The following CHRM4 variants were observed in gnomAD, a reference collection of about 807,000 sequenced individuals.
CHRM4 encodes muscarinic acetylcholine receptor M4.
CHRM4 carries 5 observed loss-of-function variants against 26.3 expected under a neutral mutation model. The ratio of observed to expected loss-of-function variants is 0.19; its 90% CI spans 0.10 to 0.40. CHRM4 has a LOEUF of 0.40. CHRM4 is among the 10% of genes least tolerant of loss of function. The probability of loss-of-function intolerance (pLI) is 1.00; values close to 1 mark genes in which losing one functional copy is unlikely to be tolerated. For missense variants in CHRM4, 402 were observed against 664.5 expected (o/e 0.60, Z 4.34); for synonymous variants, 290 against 285.3 (o/e 1.02, Z -0.16).
chr11:46,384,971 T>C lies in CHRM4; in HGVS notation c.*147A>G. ...CCTGAGCAGAGATCTGGTCTCTGAA[T>C]GCAGCCACAGAGCCTCTTCTGAACT... On this transcript the variant is annotated 3_prime_UTR_variant, in exon 2 of 2. Coordinates refer to ENST00000682254, the MANE Select transcript of CHRM4 (RefSeq NM_000741.5). The C allele has an allele frequency of 1.6e-6, 2 of 1,252,380 alleles. No homozygotes were observed. The highest frequency in any genetic ancestry group is 2.2e-6 in the Non-Finnish European group (2 of 929,096). 77.6% of individuals were successfully genotyped at this position (1,252,380 alleles called of 1,614,324 possible).
chr11:46,389,833 C>A, intron 1 of CHRM4, among the ~76,000 whole-genome samples: 1 of 152,288 alleles, frequency 6.6e-6, no homozygotes, highest in East Asian at 1.9e-4. Context: ...GGCGGGAGCG[C>A]GAGTGCGAGT....
Position 46,384,962 on chromosome 11 carries a change from G to GTCTC in CHRM4, c.*152_*155dup, listed in dbSNP as rs1945318960. The stretch of plus-strand genomic sequence containing the variant: ...CCTCCTCAGCCTGAGCAGAGATCTG[G>GTCTC]TCTCTGAATGCAGCCACAGAGCCTC... On this transcript the variant is annotated 3_prime_UTR_variant, in exon 2 of 2. Coordinates refer to ENST00000682254, the MANE Select transcript of CHRM4 (RefSeq NM_000741.5). 1 of 1,185,592 alleles carries GTCTC rather than the reference G, an allele frequency of 8.4e-7. No homozygotes were observed. Among genetic ancestry groups the GTCTC allele is most frequent in the Non-Finnish European group, 1.2e-6 (1 of 869,164 alleles). The allele number at this position is 1,185,592 out of a possible 1,614,324, so 73.4% of individuals were successfully genotyped here. A position where few individuals can be genotyped will look rare whatever the true frequency, so the allele number is the denominator to read the frequency against.
intron 1 of CHRM4, among the ~76,000 whole-genome samples, chr11:46,388,053 T>A (rs1945359202): frequency 6.6e-6 from 1 of 152,110 alleles, no homozygotes; most frequent in Non-Finnish European, 1.5e-5. Context: ...CCCCTCTTCC[T>A]CTTCCCTCCA....
Position 46,383,826 on chromosome 11 carries a change from T to G in CHRM4, c.*1292A>C, listed in dbSNP as rs184404645. 2.5e-6 allele frequency: 1 copy of G among 403,932 alleles called. No homozygotes were observed. The highest frequency in any genetic ancestry group is 4.7e-6 in the Non-Finnish European group (1 of 211,024). 25.0% of individuals were successfully genotyped at this position (403,932 alleles called of 1,614,324 possible). A position where few individuals can be genotyped will look rare whatever the true frequency, so the allele number is the denominator to read the frequency against. On this transcript the variant is annotated 3_prime_UTR_variant, in exon 2 of 2. Coordinates refer to ENST00000682254, the MANE Select transcript of CHRM4 (RefSeq NM_000741.5). ...ATAAAAGCTCTTCTTTTTTAATATATAAAAGCCCCTTCCCAAGGAGTTTGC... is the reference window on the plus strand; with the variant it reads ...ATAAAAGCTCTTCTTTTTTAATATAGAAAAGCCCCTTCCCAAGGAGTTTGC...
At position 46,386,974 on chromosome 11, in the gene CHRM4, G is replaced by A. The variant is rs1425792467; in HGVS notation, c.-29-388C>T. The stretch of plus-strand genomic sequence containing the variant: ...CTGGGTGATGAGGAGCCAGCCACAG[G>A]AGGAGCTGTGGAGAGTGGCCCTGCC... On this transcript the variant is annotated intron_variant, in intron 1 of 1. Coordinates refer to ENST00000682254, the MANE Select transcript of CHRM4 (RefSeq NM_000741.5). This position sits in a 1 kb window ranked among gnomAD's most constrained non-coding sequence, Gnocchi z 5.8. Among the ~76,000 whole-genome samples the A allele has an allele frequency of 2.0e-5, 3 of 152,028 alleles. No individual in the cohort carries two copies. The highest frequency in any genetic ancestry group is 2.0e-4 in the Admixed American group (3 of 15,258).
rs750680708 is a variant in CHRM4, at chr11:46,385,466, C to T, written c.1092G>A (p.Pro364=). 26 of 1,600,692 alleles carry T rather than the reference C, an allele frequency of 1.6e-5. No individual in the cohort carries two copies. The highest frequency in any genetic ancestry group is 1.7e-4 in the Middle Eastern group (1 of 6,052). Residue 364 remains proline (P), a synonymous_variant, in exon 2 of 2, where the codon CCG becomes CCA. Coordinates refer to ENST00000682254, the MANE Select transcript of CHRM4 (RefSeq NM_000741.5). The surrounding 1 kb of genome is among the most constrained non-coding windows in gnomAD (Gnocchi z 6.3). The part of the protein sequence containing the change: ...VTAIEIVPAT[P]AGMRPAANVA... ...CGTTGGCCGCAGGGCGCATGCCAGC[C>T]GGCGTGGCAGGCACAATCTCAATGG... is the stretch of plus-strand genomic sequence containing the variant.
At position 46,386,662 on chromosome 11, in the gene CHRM4, A is replaced by G. The variant is rs1565104917; in HGVS notation, c.-29-76T>C. The G allele has an allele frequency of 2.9e-6, 4 of 1,377,170 alleles. No individual in the cohort carries two copies. The South Asian group carries it at 5.4e-5, about 18-fold the overall frequency. The allele number at this position is 1,377,170 out of a possible 1,614,324, so 85.3% of individuals were successfully genotyped here. On this transcript the variant is annotated intron_variant, in intron 1 of 1. Coordinates refer to ENST00000682254, the MANE Select transcript of CHRM4 (RefSeq NM_000741.5). This position sits in a 1 kb window ranked among gnomAD's most constrained non-coding sequence, Gnocchi z 5.8. ...GTCATCTGGAGGTACACTGGATTCA[A>G]GGTGACAGAGGGACATTCTCTGGCA...
Position 46,385,442 on chromosome 11 carries a change from G to A in CHRM4, c.1116C>T (p.Asn372=), listed in dbSNP as rs202036400. The A allele has an allele frequency of 1.7e-5, 27 of 1,607,440 alleles. No homozygotes were observed. The highest frequency in any genetic ancestry group is 1.0e-4 in the Admixed American group (6 of 59,888). ...ATPAGMRPAA[N]VARKFASIAR... ...CGATGCTGGCGAACTTGCGGGCCAC[G>A]TTGGCCGCAGGGCGCATGCCAGCCG... The change falls in exon 2 of 2, where the codon AAC becomes AAT. Residue 372 remains asparagine (N), a synonymous_variant. Coordinates refer to ENST00000682254, the MANE Select transcript of CHRM4 (RefSeq NM_000741.5). The surrounding 1 kb of genome is among the most constrained non-coding windows in gnomAD (Gnocchi z 6.3).
At chr11:46,389,089 G>A (rs764370400) in intron 1 of CHRM4, among the ~76,000 whole-genome samples, 34 of 152,314 alleles carry the variant, frequency 2.2e-4, no homozygotes, top group Non-Finnish European at 4.4e-4. Flanking sequence ...AAGTCACCAG[G>A]TTAGGAAGTA....
In CHRM4 at chr11:46,386,936, C is replaced by CCCA. The variant is rs934994395; in HGVS notation, c.-29-353_-29-351dup. On this transcript the variant is annotated intron_variant, in intron 1 of 1. Transcript: ENST00000682254. The surrounding 1 kb of genome is among the most constrained non-coding windows in gnomAD (Gnocchi z 5.8). ...CATGACTCCTTGCTAGGTGGCCTCACCCACCAGGTCATCTGGGTGATGAGG... is the reference window on the plus strand; with the variant it reads ...CATGACTCCTTGCTAGGTGGCCTCACCCACCACCAGGTCATCTGGGTGATGAGG... Among the ~76,000 whole-genome samples, 7 of 152,200 alleles carry CCCA rather than the reference C, an allele frequency of 4.6e-5. No individual in the cohort carries two copies. Among genetic ancestry groups the CCCA allele is most frequent in the African/African-American group, 1.7e-4 (7 of 41,454 alleles).
At position 46,386,312 on chromosome 11, in the gene CHRM4, G is replaced by A. The variant is rs1000209568; in HGVS notation, c.246C>T (p.Gly82=). 8.1e-6 allele frequency: 13 copies of A among 1,613,892 alleles called. No homozygotes were observed. Among genetic ancestry groups the A allele is most frequent in the Admixed American group, 1.7e-5 (1 of 60,000 alleles). Residue 82 remains glycine, a synonymous_variant, in exon 2 of 2, where the codon GGC becomes GGT. Transcript: ENST00000682254. The surrounding 1 kb of genome is among the most constrained non-coding windows in gnomAD (Gnocchi z 5.8). ...FSLACADLII[G]AFSMNLYTVY... ...CGGTGTAGAGGTTCATGGAGAAGGC[G>A]CCTATGATGAGATCAGCACACGCCA...
Position 46,385,706 on chromosome 11 carries a change from C to T in CHRM4, c.852G>A (p.Pro284=), listed in dbSNP as rs761230677. ...EAPPPALPPP[P]RPVADKDTSN... ...AAGTGTCCTTATCAGCCACGGGGCGCGGTGGCGGTGGCAGCGCTGGCGGGG... is the reference window on the plus strand; with the variant it reads ...AAGTGTCCTTATCAGCCACGGGGCGTGGTGGCGGTGGCAGCGCTGGCGGGG... The change falls in exon 2 of 2, where the codon CCG becomes CCA. Residue 284 remains proline (P), a synonymous_variant. Coordinates refer to ENST00000682254, the MANE Select transcript of CHRM4 (RefSeq NM_000741.5). This position sits in a 1 kb window ranked among gnomAD's most constrained non-coding sequence, Gnocchi z 6.3. 6.4e-6 allele frequency: 10 copies of T among 1,561,404 alleles called. No homozygotes were observed. Among genetic ancestry groups the T allele is most frequent in the South Asian group, 3.6e-5 (3 of 82,772 alleles).
At position 46,385,379 on chromosome 11, in the gene CHRM4, G is replaced by A. The variant is rs762562667; in HGVS notation, c.1179C>T (p.Ala393=). The change falls in exon 2 of 2, where the codon GCC becomes GCT. Residue 393 remains alanine, a synonymous_variant. Coordinates refer to ENST00000682254, the MANE Select transcript of CHRM4 (RefSeq NM_000741.5). The surrounding 1 kb of genome is among the most constrained non-coding windows in gnomAD (Gnocchi z 6.3). ...TCGTTCGTGTCACTTTGCGCTCCCG[G>A]GCCGCCATCTGCCGCTTCTTGCGCA... ...NQVRKKRQMA[A]RERKVTRTIF... 3.7e-6 allele frequency: 6 copies of A among 1,609,706 alleles called. No homozygotes were observed. Among genetic ancestry groups the A allele is most frequent in the Admixed American group, 1.7e-5 (1 of 59,940 alleles).
rs1249928535 is a variant in CHRM4, at chr11:46,391,340, G to A, written c.-30+191C>T. Among the ~76,000 whole-genome samples the A allele has an allele frequency of 6.6e-6, 1 of 152,104 alleles. No homozygotes were observed. The highest frequency in any genetic ancestry group is 1.5e-5 in the Non-Finnish European group (1 of 67,978). ...TGCCCCTGGCTCCGTGGGGTCTGTG[G>A]GCGGGCAATCCCCCGCCCCCGACAT... On this transcript the variant is annotated intron_variant, in intron 1 of 1. Transcript: ENST00000682254. This position sits in a 1 kb window ranked among gnomAD's most constrained non-coding sequence, Gnocchi z 6.3.
intron 1 of CHRM4, among the ~76,000 whole-genome samples, chr11:46,388,662 C>G (rs534046020): frequency 4.6e-5 from 7 of 152,326 alleles, no homozygotes; most frequent in African/African-American, 1.7e-4. Context: ...CTCTTGGGGT[C>G]CCTGACAACC....
In CHRM4 at chr11:46,386,162, G is replaced by A; in HGVS notation, c.396C>T (p.Phe132=). The change falls in exon 2 of 2, where the codon TTC becomes TTT. Residue 132 remains phenylalanine, a synonymous_variant. Coordinates refer to ENST00000682254, the MANE Select transcript of CHRM4 (RefSeq NM_000741.5). The surrounding 1 kb of genome is among the most constrained non-coding windows in gnomAD (Gnocchi z 5.8). ...NLLIISFDRY[F]CVTKPLTYPA... Reference sequence around the variant, plus strand: ...GGTAGGTGAGAGGCTTGGTGACGCAGAAGTAGCGGTCAAAGCTGATGATGA... The same window carrying A: ...GGTAGGTGAGAGGCTTGGTGACGCAAAAGTAGCGGTCAAAGCTGATGATGA... The A allele has an allele frequency of 6.2e-7, 1 of 1,613,792 alleles. No individual in the cohort carries two copies. The highest frequency in any genetic ancestry group is 8.5e-7 in the Non-Finnish European group (1 of 1,179,858).
intron 1 of CHRM4, among the ~76,000 whole-genome samples, chr11:46,390,813 C>T (rs898635503): frequency 6.6e-6 from 1 of 152,286 alleles, no homozygotes. Context: ...ACCCCTCTTC[C>T]CCGGGCGAGA....
chr11:46,388,630 G>A (rs949657767), intron 1 of CHRM4, among the ~76,000 whole-genome samples: 25 of 152,204 alleles, frequency 1.6e-4, no homozygotes, highest in Admixed American at 4.6e-4. Flanking sequence ...ACGAGTCAAG[G>A]GCAAAGACCA....
In CHRM4 at chr11:46,385,032, G is replaced by C; in HGVS notation, c.*86C>G. ...CAAACGTGAACGCAGAATGGTGCCT[G>C]CAACTCTTCCCCACAGCAAGTGAGC... On this transcript the variant is annotated 3_prime_UTR_variant, in exon 2 of 2. Transcript: ENST00000682254. This position sits in a 1 kb window ranked among gnomAD's most constrained non-coding sequence, Gnocchi z 6.3. The C allele has an allele frequency of 6.8e-7, 1 of 1,465,312 alleles. No individual in the cohort carries two copies. The highest frequency in any genetic ancestry group is 9.1e-7 in the Non-Finnish European group (1 of 1,101,484). The allele number at this position is 1,465,312 out of a possible 1,614,324, so 90.8% of individuals were successfully genotyped here. A position where few individuals can be genotyped will look rare whatever the true frequency, so the allele number is the denominator to read the frequency against.
Sources: gnomAD v4.1 joint callset for allele counts (sites outside exome capture counted in the v4.1 genomes callset) on GRCh38, gnomAD v4.1.1 for gene constraint, Gnocchi (gnomAD v3.1) non-coding constraint, MANE v1.5 for transcripts, NCBI Gene and HGNC (gene_info 2026-07-23, HGNC 2026-07-21) for gene names.